The following LRP1B variants were observed in gnomAD, a reference collection of about 807,000 sequenced individuals.
LRP1B encodes the protein LDL receptor related protein 1B.
A neutral mutation model predicts 556.6 loss-of-function variants in LRP1B; 217 were observed. That is an observed-to-expected ratio of 0.39 (90% CI 0.35 to 0.44). LRP1B has a LOEUF of 0.44. Ranked by LOEUF, LRP1B falls within the 20% of genes least tolerant of loss-of-function variation. The probability of loss-of-function intolerance (pLI) is 1.00; values close to 1 mark genes in which losing one functional copy is unlikely to be tolerated. For missense variants in LRP1B, 5,053 were observed against 5,620.8 expected (o/e 0.90, Z 3.23); for synonymous variants, 2,047 against 1,865.8 (o/e 1.10, Z -2.50).
intron 1 of LRP1B, among the ~76,000 whole-genome samples, chr2:141,864,004 C>G (rs1182490908): frequency 1.3e-5 from 2 of 152,012 alleles, no homozygotes; most frequent in African/African-American, 4.8e-5. Context: ...GTTTAGATGA[C>G]TTTCAGACTT....
At chr2:141,137,226 T>C (rs1273773193) in intron 7 of LRP1B, among the ~76,000 whole-genome samples, 1 of 151,976 alleles carries the variant, frequency 6.6e-6, no homozygotes, top group African/African-American at 2.4e-5. Flanking sequence ...ATCGGCCTAA[T>C]AGACTTAGCA....
At chr2:140,811,871 A>G (rs1222890167) in intron 32 of LRP1B, among the ~76,000 whole-genome samples, 2 of 152,104 alleles carry the variant, frequency 1.3e-5, no homozygotes, top group African/African-American at 4.8e-5. Flanking sequence ...TTCTGGATAT[A>G]TACAATGAAA....
chr2:140,373,659 C>T (rs1043352896), intron 68 of LRP1B, among the ~76,000 whole-genome samples: 1 of 152,062 alleles, frequency 6.6e-6, no homozygotes, highest in African/African-American at 2.4e-5. Context: ...ATAGCCCCAG[C>T]CACTCAAGAG....
Position 140,510,068 on chromosome 2 carries a change from A to C in LRP1B, c.8270-12T>G. 6.2e-7 allele frequency: 1 copy of C among 1,612,564 alleles called. No homozygotes were observed. The highest frequency in any genetic ancestry group is 1.8e-4 in the Middle Eastern group (1 of 5,610). On this transcript the variant is annotated splice_polypyrimidine_tract_variant and intron_variant, in intron 51 of 90. Coordinates refer to ENST00000389484, the MANE Select transcript of LRP1B (RefSeq NM_018557.3). Reference sequence around the variant, plus strand: ...ACAGGTTATGGCACCTGAAACACAAAAACATAATGCCATTAAGATTACTCT... The same window carrying C: ...ACAGGTTATGGCACCTGAAACACAACAACATAATGCCATTAAGATTACTCT...
At chr2:140,501,459 C>T (rs985945750) in intron 55 of LRP1B, among the ~76,000 whole-genome samples, 1 of 151,176 alleles carries the variant, frequency 6.6e-6, no homozygotes, top group Non-Finnish European at 1.5e-5. Context: ...TTCCTTTATG[C>T]TCCAAAAATG....
intron 2 of LRP1B, among the ~76,000 whole-genome samples, chr2:141,546,588 A>T (rs981592945): frequency 6.6e-6 from 1 of 152,176 alleles, no homozygotes; most frequent in African/African-American, 2.4e-5. Flanking sequence ...CTAAACACGT[A>T]TTGAGTACCA....
At chr2:141,034,358 T>A (rs1325955463) in intron 11 of LRP1B, among the ~76,000 whole-genome samples, 5 of 152,062 alleles carry the variant, frequency 3.3e-5, no homozygotes, top group South Asian at 2.1e-4. Flanking sequence ...AATTGACAAA[T>A]GGGATCTAAT....
chr2:141,314,366 A>C (rs1686918553), intron 3 of LRP1B, among the ~76,000 whole-genome samples: 1 of 152,216 alleles, frequency 6.6e-6, no homozygotes, highest in Non-Finnish European at 1.5e-5. Context: ...TATAATTTTA[A>C]ATGAATTACA....
intron 47 of LRP1B, among the ~76,000 whole-genome samples, chr2:140,532,014 T>A (rs936641526): frequency 2.9e-4 from 44 of 152,114 alleles, no homozygotes; most frequent in Non-Finnish European, 5.1e-4. Flanking sequence ...CTCTGAGTTT[T>A]TCTCCTTAAT....
chr2:142,096,932 C>T (rs774029939), intron 1 of LRP1B, among the ~76,000 whole-genome samples: 40 of 151,472 alleles, frequency 2.6e-4, no homozygotes, highest in Admixed American at 7.3e-4. Context: ...ACCATGAGTA[C>T]TTAATGTTTA....
At chr2:140,830,353 C>A (rs377495882) in intron 31 of LRP1B, among the ~76,000 whole-genome samples, 3 of 152,082 alleles carry the variant, frequency 2.0e-5, no homozygotes, top group Middle Eastern at 3.4e-3. Flanking sequence ...AAATCTTCAA[C>A]AAAATACTAA....
chr2:140,611,753 T>C lies in LRP1B; in HGVS notation c.6800-10114A>G, dbSNP rs921716730. Among the ~76,000 whole-genome samples the C allele has an allele frequency of 2.6e-5, 4 of 152,260 alleles. No homozygotes were observed. The East Asian group carries it at 7.7e-4, about 29-fold the overall frequency. Reference sequence around the variant, plus strand: ...CTCATATTTTAAAAACCATTTGATATAGTCCAAATTACATACACATAATAA... The same window carrying C: ...CTCATATTTTAAAAACCATTTGATACAGTCCAAATTACATACACATAATAA... On this transcript the variant is annotated intron_variant, in intron 41 of 90. Transcript: ENST00000389484.
intron 63 of LRP1B, among the ~76,000 whole-genome samples, chr2:140,447,302 C>T (rs769702886): frequency 6.6e-6 from 1 of 152,018 alleles, no homozygotes; most frequent in Non-Finnish European, 1.5e-5. Flanking sequence ...AGCAATCCCA[C>T]TACTAGATAT....
chr2:140,965,363 T>A (rs1005216123), intron 18 of LRP1B, among the ~76,000 whole-genome samples: 7 of 152,158 alleles, frequency 4.6e-5, no homozygotes, highest in African/African-American at 1.7e-4. Flanking sequence ...AATACCTTTT[T>A]TTTTTTCTAC....
intron 2 of LRP1B, among the ~76,000 whole-genome samples, chr2:141,663,435 C>T (rs1440490539): frequency 1.3e-5 from 2 of 150,440 alleles, no homozygotes. Context: ...ACAAAATAGA[C>T]CACTAGCTAG....
At chr2:140,670,354 G>C (rs1010325226) in intron 41 of LRP1B, among the ~76,000 whole-genome samples, 12 of 152,124 alleles carry the variant, frequency 7.9e-5, no homozygotes, top group African/African-American at 2.9e-4. Context: ...AAAGAAAAGC[G>C]GTCAAGTAGT....
intron 86 of LRP1B, among the ~76,000 whole-genome samples, chr2:140,260,086 G>C (rs746308992): frequency 2.0e-5 from 3 of 151,860 alleles, no homozygotes; most frequent in Non-Finnish European, 4.4e-5. Context: ...TGTTTGTTTC[G>C]AATGAAGAAG....
chr2:142,081,186 A>G (rs1171096520), intron 1 of LRP1B, among the ~76,000 whole-genome samples: 1 of 152,174 alleles, frequency 6.6e-6, no homozygotes, highest in Non-Finnish European at 1.5e-5. Flanking sequence ...TTAGAGAGGT[A>G]TTCAATAAGG....
At chr2:141,597,068 A>G in intron 2 of LRP1B, among the ~76,000 whole-genome samples, 1 of 150,934 alleles carries the variant, frequency 6.6e-6, no homozygotes, top group East Asian at 1.9e-4. Flanking sequence ...ACACACACAC[A>G]CACACACACA....
Sources: allele counts gnomAD v4.1 joint callset (sites outside exome capture counted in the v4.1 genomes callset), GRCh38; gene constraint gnomAD v4.1.1; transcripts MANE v1.5; gene names NCBI Gene and HGNC (gene_info 2026-07-23, HGNC 2026-07-21).